The following PCDH9 variants were observed in gnomAD, a reference collection of about 807,000 sequenced individuals.
PCDH9 encodes protocadherin 9, also known as protocadherin-9.
A neutral mutation model predicts 70.6 loss-of-function variants in PCDH9; 24 were observed. The ratio of observed to expected loss-of-function variants is 0.34; its 90% CI spans 0.25 to 0.48. PCDH9 has a LOEUF of 0.48. Ranked by LOEUF, PCDH9 falls within the 20% of genes least tolerant of loss-of-function variation. The pLI is 0.99. For missense variants in PCDH9, 1,281 were observed against 1,503.6 expected, an observed-to-expected ratio of 0.85 and a Z score of 2.45; for synonymous variants, 562 against 558.5, an observed-to-expected ratio of 1.01 and a Z score of -0.09.
At chr13:67,063,530 C>A (rs200554633) in intron 2 of PCDH9, among the ~76,000 whole-genome samples, 24 of 147,922 alleles carry the variant, frequency 1.6e-4, no homozygotes, top group South Asian at 4.2e-4. Context: ...CTTTCCAAGG[C>A]AAAAAAAAAA....
intron 3 of PCDH9, among the ~76,000 whole-genome samples, chr13:66,683,513 A>G (rs559867754): frequency 1.1e-4 from 16 of 152,252 alleles, no homozygotes; most frequent in African/African-American, 3.9e-4. Flanking sequence ...TGCATTCACA[A>G]CCCATATCTT....
intron 4 of PCDH9, among the ~76,000 whole-genome samples, chr13:66,342,037 T>C (rs2138147035): frequency 1.3e-5 from 2 of 152,320 alleles, no homozygotes; most frequent in South Asian, 4.1e-4. Flanking sequence ...GGACTGAGCA[T>C]TCATGTTTTC....
intron 3 of PCDH9, among the ~76,000 whole-genome samples, chr13:66,902,807 A>G (rs2082298138): frequency 6.6e-6 from 1 of 151,676 alleles, no homozygotes; most frequent in Admixed American, 6.6e-5. Flanking sequence ...GTGTTTTTTT[A>G]CCATGACTTA....
intron 4 of PCDH9, among the ~76,000 whole-genome samples, chr13:66,588,822 TA>T (rs532796338): frequency 9.9e-4 from 143 of 144,584 alleles, no homozygotes; most frequent in South Asian, 4.2e-3. Flanking sequence ...GTGTTGAAGT[TA>T]AAAAAAAAAA....
At chr13:66,950,682 C>A (rs750049269) in intron 2 of PCDH9, among the ~76,000 whole-genome samples, 1 of 152,052 alleles carries the variant, frequency 6.6e-6, no homozygotes, top group Non-Finnish European at 1.5e-5. Flanking sequence ...GGTATCTACA[C>A]ACAGAAAATA....
intron 3 of PCDH9, among the ~76,000 whole-genome samples, chr13:66,846,279 G>A (rs534074824): frequency 7.9e-5 from 12 of 152,136 alleles, no homozygotes; most frequent in Admixed American, 7.2e-4. Context: ...CTTTTCAATA[G>A]CAAAACCAAA....
chr13:67,094,388 C>A (rs2086279663), intron 2 of PCDH9, among the ~76,000 whole-genome samples: 1 of 152,086 alleles, frequency 6.6e-6, no homozygotes, highest in South Asian at 2.1e-4. Flanking sequence ...GGTAGCTCTG[C>A]AAAGAAAGCT....
intron 4 of PCDH9, among the ~76,000 whole-genome samples, chr13:66,495,459 C>T (rs983037998): frequency 7.2e-5 from 11 of 152,198 alleles, no homozygotes; most frequent in Middle Eastern, 6.8e-3. Flanking sequence ...TCCTTCAAGG[C>T]GAGATGGGGA....
At chr13:66,685,305 C>A (rs1004166747) in intron 3 of PCDH9, among the ~76,000 whole-genome samples, 1 of 152,232 alleles carries the variant, frequency 6.6e-6, no homozygotes, top group South Asian at 2.1e-4. Flanking sequence ...CAGCTCATAT[C>A]ATTGCTTCAG....
At chr13:66,872,511 G>A (rs2081712929) in intron 3 of PCDH9, among the ~76,000 whole-genome samples, 1 of 152,000 alleles carries the variant, frequency 6.6e-6, no homozygotes, top group Admixed American at 6.6e-5. Flanking sequence ...CCTAGGAAAA[G>A]GAGCATAGTA....
At chr13:66,700,924 A>G (rs201331431) in intron 3 of PCDH9, among the ~76,000 whole-genome samples, 7,274 of 18,508 alleles carry the variant, frequency 0.39, 829 homozygotes, top group East Asian at 0.48. Context: ...GTACATATAA[A>G]TATATATATA....
chr13:67,004,938 G>T (rs1009926572), intron 2 of PCDH9, among the ~76,000 whole-genome samples: 2 of 152,056 alleles, frequency 1.3e-5, no homozygotes, highest in South Asian at 4.2e-4. Context: ...GGAAGAAAGG[G>T]GACTATTTTG....
At position 66,934,952 on chromosome 13, in the gene PCDH9, C is replaced by T. The variant is rs1166362226; in HGVS notation, c.3037-31347G>A. ...AGCCAGGATGGTCTCGATCTCCTGACCTCGTGATCCGCCCGCCTCGGCCTC... is the reference window on the plus strand; with the variant it reads ...AGCCAGGATGGTCTCGATCTCCTGATCTCGTGATCCGCCCGCCTCGGCCTC... On this transcript the variant is annotated intron_variant, in intron 2 of 4. Transcript: ENST00000377865. Among the ~76,000 whole-genome samples, 4 of 151,288 alleles carry T rather than the reference C, an allele frequency of 2.6e-5. No individual in the cohort carries two copies. In the East Asian group the frequency reaches 5.9e-4, roughly 22 times the overall value.
chr13:66,829,133 G>A (rs543192504), intron 3 of PCDH9, among the ~76,000 whole-genome samples: 1 of 151,882 alleles, frequency 6.6e-6, no homozygotes, highest in South Asian at 2.1e-4. Context: ...TTCTCCTGCC[G>A]CAGCTTCCCG....
chr13:66,568,707 G>A (rs2076689160), intron 4 of PCDH9, among the ~76,000 whole-genome samples: 1 of 151,564 alleles, frequency 6.6e-6, no homozygotes, highest in South Asian at 2.1e-4. Flanking sequence ...CAGGAGAGGG[G>A]ATCAGGAGTA....
In PCDH9 at chr13:66,371,205, C is replaced by G. The variant is rs181071915; in HGVS notation, c.3341-66177G>C. ...GAAAATCTTTCATGATCGCATTTTC[C>G]CTAATCTTTTTCAAGTCATTAATGT... On this transcript the variant is annotated intron_variant, in intron 4 of 4. Coordinates refer to ENST00000377865, the MANE Select transcript of PCDH9 (RefSeq NM_203487.3). Among the ~76,000 whole-genome samples the G allele has an allele frequency of 3.5e-3, 537 of 151,862 alleles. 3 individuals carry two copies. Among genetic ancestry groups the G allele is most frequent in the African/African-American group, 0.012 (506 of 41,420 alleles).
intron 4 of PCDH9, among the ~76,000 whole-genome samples, chr13:66,444,031 G>A (rs1244353561): frequency 6.6e-6 from 1 of 152,032 alleles, no homozygotes; most frequent in Non-Finnish European, 1.5e-5. Context: ...AAATTCACCT[G>A]TTTATCTCTA....
At chr13:66,542,972 G>A (rs1456924763) in intron 4 of PCDH9, among the ~76,000 whole-genome samples, 1 of 151,424 alleles carries the variant, frequency 6.6e-6, no homozygotes, top group African/African-American at 2.4e-5. Flanking sequence ...TAATATGTGT[G>A]TGTAGAAAGT....
chr13:66,780,573 T>A (rs2079982498), intron 3 of PCDH9, among the ~76,000 whole-genome samples: 1 of 152,144 alleles, frequency 6.6e-6, no homozygotes, highest in Non-Finnish European at 1.5e-5. Context: ...CAACAGCAAT[T>A]TTTTTCAGTG....
Sources: allele counts gnomAD v4.1 joint callset (sites outside exome capture counted in the v4.1 genomes callset), GRCh38; gene constraint gnomAD v4.1.1; transcripts MANE v1.5; gene names NCBI Gene and HGNC (gene_info 2026-07-23, HGNC 2026-07-21).